Variants in CASK observed in about 807,000 individuals in gnomAD.
CASK encodes calcium/calmodulin dependent serine protein kinase.
CASK carries 4 observed loss-of-function variants against 82.9 expected under a neutral mutation model. The observed-to-expected ratio is 0.05, with a 90% CI of 0.02 to 0.11. The LOEUF is 0.11. Ranked by LOEUF, CASK falls within the 10% of genes least tolerant of loss-of-function variation. The probability of loss-of-function intolerance (pLI) is 1.00; values close to 1 mark genes in which losing one functional copy is unlikely to be tolerated. For synonymous variants in CASK, 259 were observed against 253.5 expected, an observed-to-expected ratio of 1.02 and a Z score of -0.20; for missense variants, 358 against 720.9, an observed-to-expected ratio of 0.50 and a Z score of 5.76.
chrX:41,535,192 G>T lies in CASK; in HGVS notation c.2156-219C>A, dbSNP rs193283152. On this transcript the variant is annotated intron_variant, in intron 22 of 26. Coordinates refer to ENST00000378163, the MANE Select transcript of CASK (RefSeq NM_001367721.1). ...ATGAAAATGCTCTTTAGAACCAGGG[G>T]CATCCAAAGATGCTGAACACATGCA... is the stretch of plus-strand genomic sequence containing the variant. Among the ~76,000 whole-genome samples the T allele has an allele frequency of 3.6e-5, 4 of 110,916 alleles. No individual in the cohort carries two copies. The East Asian group carries it at 1.1e-3, about 31-fold the overall frequency.
At chrX:41,534,807 G>T in intron 23 of CASK, 21 bp from the exon 24 acceptor site, 13 of 1,179,795 alleles carry the variant, frequency 1.1e-5, no homozygotes, top group Non-Finnish European at 1.4e-5. Context: ...TAGAAAAAAA[G>T]AATGTTAAAA....
At chrX:41,887,212 T>C (rs1275785134) in intron 1 of CASK, among the ~76,000 whole-genome samples, 2 of 108,936 alleles carry the variant, frequency 1.8e-5, no homozygotes, top group Non-Finnish European at 3.8e-5. Flanking sequence ...TTCTTCATCA[T>C]AGGTACATCC....
intron 1 of CASK, among the ~76,000 whole-genome samples, chrX:41,912,818 TA>T (rs1192985216): frequency 2.1e-4 from 21 of 100,642 alleles, no homozygotes; most frequent in African/African-American, 4.9e-4. Context: ...AAAATATATA[TA>T]AAAATATATA....
intron 11 of CASK, among the ~76,000 whole-genome samples, chrX:41,612,135 G>T (rs1185971086): frequency 2.7e-5 from 3 of 111,801 alleles, no homozygotes; most frequent in Non-Finnish European, 5.7e-5. Flanking sequence ...TCTGGGAAGT[G>T]AGGAGCGTCT....
intron 5 of CASK, among the ~76,000 whole-genome samples, chrX:41,736,558 A>C (rs763648245): frequency 7.1e-5 from 8 of 112,011 alleles, no homozygotes; most frequent in Non-Finnish European, 1.3e-4. Context: ...AAAGAATATC[A>C]ACATTAACGT....
At chrX:41,791,881 G>T (rs2069730209) in intron 2 of CASK, among the ~76,000 whole-genome samples, 1 of 111,637 alleles carries the variant, frequency 9.0e-6, no homozygotes, top group Non-Finnish European at 1.9e-5. Context: ...TCTGTGTTTA[G>T]TGTCCTTACA....
chrX:41,586,197 G>C (rs1226334979), intron 14 of CASK: 1 of 111,986 alleles, frequency 8.9e-6, no homozygotes, highest in African/African-American at 3.2e-5. Flanking sequence ...TGTAATAGTA[G>C]TTATAAGAAC....
At chrX:41,837,374 T>C (rs1490384749) in intron 2 of CASK, among the ~76,000 whole-genome samples, 1 of 111,424 alleles carries the variant, frequency 9.0e-6, no homozygotes, top group African/African-American at 3.3e-5. Flanking sequence ...TTTATCGCCA[T>C]GTGTAAATTC....
rs186523238 is a variant in CASK at position 41,803,581 on chromosome X, G to C, written c.173-16298C>G. Among the ~76,000 whole-genome samples, 85 of 111,553 alleles carry C rather than the reference G, an allele frequency of 7.6e-4. 1 individual carries two copies. The highest frequency in any genetic ancestry group is 5.2e-3 in the Admixed American group (55 of 10,509). On this transcript the variant is annotated intron_variant, in intron 2 of 26. Transcript: ENST00000378163. ...CACTCCAGCCTGGGTGACAGAGCGA[G>C]ACTGTCTCAAAAACAACAACAACAA...
Position 41,517,528 on chromosome X carries a change from T to G in CASK, c.*2892A>C. ...GACATTTCATCTTTTTAACAAAGAA[T>G]TCAACATATAAAAACACTCCCTTTC... is the stretch of plus-strand genomic sequence containing the variant. On this transcript the variant is annotated 3_prime_UTR_variant, in exon 27 of 27. Coordinates refer to ENST00000378163, the MANE Select transcript of CASK (RefSeq NM_001367721.1). 1 of 296,302 alleles carries G rather than the reference T, an allele frequency of 3.4e-6. No homozygotes were observed. 24.4% of individuals were successfully genotyped at this position (296,302 alleles called of 1,213,427 possible).
At chrX:41,853,079 A>C in intron 2 of CASK, 36 bp downstream of exon 2, 3 of 937,885 alleles carry the variant, frequency 3.2e-6, no homozygotes, top group Non-Finnish European at 3.1e-6. Flanking sequence ...GAATAAAGCC[A>C]GACATCAAAT....
At chrX:41,727,470 G>T in intron 5 of CASK, 1 of 1,208,815 alleles carries the variant, frequency 8.3e-7, no homozygotes, top group Non-Finnish European at 1.1e-6. Context: ...AATTTCGCCA[G>T]CCCAACTTTG....
chrX:41,844,387 C>T (rs1232727806), intron 2 of CASK, among the ~76,000 whole-genome samples: 2 of 111,661 alleles, frequency 1.8e-5, no homozygotes, highest in African/African-American at 3.3e-5. Flanking sequence ...CAGTCTATTT[C>T]TTATTACAGG....
intron 25 of CASK, among the ~76,000 whole-genome samples, chrX:41,530,434 T>A (rs953192609): frequency 2.7e-5 from 3 of 112,285 alleles, no homozygotes; most frequent in African/African-American, 9.7e-5. Flanking sequence ...TAGTTTTTGC[T>A]CAGGGTCAGG....
intron 3 of CASK, among the ~76,000 whole-genome samples, chrX:41,786,185 G>A (rs1367701679): frequency 9.0e-6 from 1 of 111,537 alleles, no homozygotes; most frequent in African/African-American, 3.3e-5. Context: ...GAGACCCAGA[G>A]CCAGAGGACC....
chrX:41,570,015 T>TC (rs1200884335), intron 15 of CASK, among the ~76,000 whole-genome samples: 11 of 92,188 alleles, frequency 1.2e-4, no homozygotes, highest in Admixed American at 2.4e-4. Flanking sequence ...TTTTTCTTTT[T>TC]TTTTTTTTTT....
At chrX:41,899,735 G>T (rs1404586410) in intron 1 of CASK, among the ~76,000 whole-genome samples, 1 of 111,557 alleles carries the variant, frequency 9.0e-6, no homozygotes, top group Non-Finnish European at 1.9e-5. Flanking sequence ...ACAAATTATT[G>T]CAACTATAGT....
chrX:41,842,620 G>A lies in CASK; in HGVS notation c.172+10495C>T, dbSNP rs190115257. On this transcript the variant is annotated intron_variant, in intron 2 of 26. Transcript: ENST00000378163. ...TGAAAAATGTGAGTACTCCAACTTT[G>A]TCCATTGTTTTTCAGGATTGTTAAG... 4.6e-5 allele frequency among the ~76,000 whole-genome samples: 5 copies of A among 109,881 alleles called. No individual in the cohort carries two copies. The East Asian group carries it at 1.4e-3, about 31-fold the overall frequency.
chrX:41,854,210 GC>G (rs2071322201), intron 1 of CASK, among the ~76,000 whole-genome samples: 1 of 88,332 alleles, frequency 1.1e-5, no homozygotes, highest in Non-Finnish European at 2.2e-5. Flanking sequence ...ACATGCGCGC[GC>G]GCGCGGGCGC....
Sources: gnomAD v4.1 joint callset for allele counts (sites outside exome capture counted in the v4.1 genomes callset) on GRCh38, gnomAD v4.1.1 for gene constraint, MANE v1.5 for transcripts, NCBI Gene and HGNC (gene_info 2026-07-23, HGNC 2026-07-21) for gene names.